The following KIF26B variants were observed in gnomAD, a reference collection of about 807,000 sequenced individuals.
KIF26B encodes kinesin-like protein KIF26B.
Under a neutral mutation model 151.2 loss-of-function variants are expected in KIF26B, and 63 were observed. The ratio of observed to expected loss-of-function variants is 0.42; its 90% CI spans 0.34 to 0.51. The LOEUF (loss-of-function observed/expected upper bound fraction) is 0.51. Among genes scored for constraint, KIF26B ranks in the 20% least tolerant of loss-of-function variants. The probability of loss-of-function intolerance (pLI) is 0.07; values close to 1 mark genes in which losing one functional copy is unlikely to be tolerated. For synonymous variants in KIF26B, 1,357 were observed against 1,262.1 expected (o/e 1.08, Z -1.59); for missense variants, 2,813 against 2,913.6 (o/e 0.97, Z 0.79).
chr1:245,532,193 A>T (rs928365023), intron 4 of KIF26B, among the ~76,000 whole-genome samples: 3 of 151,522 alleles, frequency 2.0e-5, no homozygotes, highest in African/African-American at 7.3e-5. Flanking sequence ...AACTTCTACA[A>T]GTCCTTGAAG....
rs746199653 is a variant in KIF26B at position 245,688,305 on chromosome 1, C to T, written c.5322C>T (p.Pro1774=). 8 of 1,595,876 alleles carry T rather than the reference C, an allele frequency of 5.0e-6. No homozygotes were observed. Among genetic ancestry groups the T allele is most frequent in the Middle Eastern group, 1.6e-4 (1 of 6,070 alleles). ...PQAVGQGSSS[P]PGGKHTPWST... The stretch of plus-strand genomic sequence containing the variant: ...CGGTGGGCCAGGGCTCCAGCTCGCC[C>T]CCCGGTGGGAAGCACACGCCCTGGT... The change falls in exon 12 of 15, where the codon CCC becomes CCT. Residue 1774 remains proline (P), a synonymous_variant. Coordinates refer to ENST00000407071, the MANE Select transcript of KIF26B (RefSeq NM_018012.4).
chr1:245,556,284 T>TCCTCTTTCCTCCC (rs1553287949), intron 5 of KIF26B, among the ~76,000 whole-genome samples: 1 of 123,528 alleles, frequency 8.1e-6, no homozygotes, highest in African/African-American at 3.0e-5. Context: ...CTTCTTCTTC[T>TCCTCTTTCCTCCC]TCCTCCTCCT....
At chr1:245,307,942 A>T (rs756742778) in intron 2 of KIF26B, among the ~76,000 whole-genome samples, 3 of 152,158 alleles carry the variant, frequency 2.0e-5, no homozygotes, top group Non-Finnish European at 2.9e-5. Flanking sequence ...GGGTTTTACC[A>T]TGTTGGCCAG....
Position 245,170,339 on chromosome 1 carries a change from C to T in KIF26B, c.465+13656C>T, listed in dbSNP as rs1322093857. Among the ~76,000 whole-genome samples, 11 of 152,144 alleles carry T rather than the reference C, an allele frequency of 7.2e-5. No homozygotes were observed. Among genetic ancestry groups the T allele is most frequent in the Admixed American group, 7.2e-4 (11 of 15,282 alleles). On this transcript the variant is annotated intron_variant, in intron 2 of 14. Coordinates refer to ENST00000407071, the MANE Select transcript of KIF26B (RefSeq NM_018012.4). This position sits in a 1 kb window ranked among gnomAD's most constrained non-coding sequence, Gnocchi z 4.4. Reference sequence around the variant, plus strand: ...TTGCATTTCTTGTCAGTCAATACGTCCTTGTTTTGGCTAAGTCTCATGCCC... The same window carrying T: ...TTGCATTTCTTGTCAGTCAATACGTTCTTGTTTTGGCTAAGTCTCATGCCC...
At chr1:245,615,858 G>A (rs1397680250) in intron 9 of KIF26B, among the ~76,000 whole-genome samples, 2 of 152,180 alleles carry the variant, frequency 1.3e-5, no homozygotes, top group Non-Finnish European at 2.9e-5. Context: ...ATTTATAACT[G>A]TTTAAAATAT....
intron 2 of KIF26B, among the ~76,000 whole-genome samples, chr1:245,258,192 C>T (rs1377634860): frequency 6.6e-6 from 1 of 152,200 alleles, no homozygotes; most frequent in Admixed American, 6.5e-5. Context: ...CTCGTCACCA[C>T]CTACGGTGTT....
rs72764865 is a variant in KIF26B at position 245,698,074 on chromosome 1, G to A, written c.5825-32G>A. ...CAACAAAAAAATTGAAATTCAGAAA[G>A]ACTAACTCTCTGGGCTTATCCCCCT... On this transcript the variant is annotated intron_variant, in intron 12 of 14. Transcript: ENST00000407071. The surrounding 1 kb of genome is among the most constrained non-coding windows in gnomAD (Gnocchi z 4.0). 11,305 of 1,582,756 alleles carry A rather than the reference G, an allele frequency of 7.1e-3. 51 individuals carry two copies. Among genetic ancestry groups the A allele is most frequent in the Non-Finnish European group, 8.7e-3 (10,075 of 1,163,656 alleles).
At chr1:245,156,058 A>G (rs546880477) in intron 1 of KIF26B, among the ~76,000 whole-genome samples, 134 of 152,166 alleles carry the variant, frequency 8.8e-4, no homozygotes, top group African/African-American at 3.0e-3. Context: ...CCCCAGGAGG[A>G]GGCCACCGGG....
Position 245,602,561 on chromosome 1 carries a change from C to T in KIF26B, c.1351-16C>T, listed in dbSNP as rs1408318910. ...AGCTGTCTTCATCCATGCTGTCGCC[C>T]ATCTTTTCTTAACAGGTGAAAGTCA... On this transcript the variant is annotated splice_polypyrimidine_tract_variant and intron_variant, in intron 5 of 14. Transcript: ENST00000407071. The surrounding 1 kb of genome is among the most constrained non-coding windows in gnomAD (Gnocchi z 4.5). 6.3e-7 allele frequency: 1 copy of T among 1,593,764 alleles called. No homozygotes were observed. Among genetic ancestry groups the T allele is most frequent in the African/African-American group, 1.3e-5 (1 of 74,624 alleles).
chr1:245,680,652 A>T (rs2044422377), intron 10 of KIF26B, among the ~76,000 whole-genome samples: 1 of 152,204 alleles, frequency 6.6e-6, no homozygotes, highest in Admixed American at 6.5e-5. Flanking sequence ...GTGGGTTAAC[A>T]AGACGACGGG....
chr1:245,567,330 G>A (rs2043019615), intron 5 of KIF26B, among the ~76,000 whole-genome samples: 1 of 152,212 alleles, frequency 6.6e-6, no homozygotes, highest in South Asian at 2.1e-4. Context: ...TTCAGGAAAT[G>A]TTTCAAGCCT....
At chr1:245,423,478 G>GT (rs35547172) in intron 4 of KIF26B, among the ~76,000 whole-genome samples, 16,623 of 146,452 alleles carry the variant, frequency 0.11, 982 homozygotes, top group African/African-American at 0.16. Flanking sequence ...TTATTATAGG[G>GT]TTTTTTTTTT....
At chr1:245,268,490 A>C (rs954100992) in intron 2 of KIF26B, among the ~76,000 whole-genome samples, 374 of 145,302 alleles carry the variant, frequency 2.6e-3, no homozygotes, top group African/African-American at 8.9e-3. Flanking sequence ...AATAATAATA[A>C]TAATAATAAT....
chr1:245,397,372 C>A (rs1277694474), intron 3 of KIF26B, among the ~76,000 whole-genome samples: 1 of 152,146 alleles, frequency 6.6e-6, no homozygotes, highest in Non-Finnish European at 1.5e-5. Flanking sequence ...TGCACCACCA[C>A]ACCCAGCTAA....
intron 9 of KIF26B, among the ~76,000 whole-genome samples, chr1:245,631,062 A>G (rs1222460300): frequency 6.6e-6 from 1 of 152,160 alleles, no homozygotes; most frequent in Non-Finnish European, 1.5e-5. Flanking sequence ...ATTATATGCC[A>G]TCTGCAGAGA....
At chr1:245,379,407 C>G (rs1673350052) in intron 3 of KIF26B, among the ~76,000 whole-genome samples, 2 of 151,682 alleles carry the variant, frequency 1.3e-5, no homozygotes, top group Non-Finnish European at 1.5e-5. Flanking sequence ...TTAAAATAAC[C>G]CAAACAAGTC....
At chr1:245,453,360 A>G (rs954621403) in intron 4 of KIF26B, among the ~76,000 whole-genome samples, 4 of 152,192 alleles carry the variant, frequency 2.6e-5, no homozygotes, top group African/African-American at 9.7e-5. Flanking sequence ...TAAAATTTTC[A>G]CATTTTATTC....
intron 4 of KIF26B, among the ~76,000 whole-genome samples, chr1:245,515,799 T>C (rs776543352): frequency 6.6e-6 from 1 of 152,174 alleles, no homozygotes; most frequent in African/African-American, 2.4e-5. Context: ...CAGGTAAGAT[T>C]CTGAAAGCCA....
rs1455065448 is a variant in KIF26B at position 245,318,226 on chromosome 1, G to A, written c.466-48608G>A. 6.6e-6 allele frequency among the ~76,000 whole-genome samples: 1 copy of A among 152,114 alleles called. No homozygotes were observed. Among genetic ancestry groups the A allele is most frequent in the Non-Finnish European group, 1.5e-5 (1 of 68,032 alleles). The stretch of plus-strand genomic sequence containing the variant: ...TTATTAAGTACACACAACAGACAGG[G>A]CACTGTAAGACAAAACAAATCAATC... On this transcript the variant is annotated intron_variant, in intron 2 of 14. Coordinates refer to ENST00000407071, the MANE Select transcript of KIF26B (RefSeq NM_018012.4). The surrounding 1 kb of genome is among the most constrained non-coding windows in gnomAD (Gnocchi z 4.0).
Sources: gnomAD v4.1 joint callset for allele counts (sites outside exome capture counted in the v4.1 genomes callset) on GRCh38, gnomAD v4.1.1 for gene constraint, Gnocchi (gnomAD v3.1) non-coding constraint, MANE v1.5 for transcripts, NCBI Gene and HGNC (gene_info 2026-07-23, HGNC 2026-07-21) for gene names.